TULP4: variants seen among roughly 807,000 people sequenced by gnomAD.
TULP4 encodes the protein tubby-related protein 4.
In TULP4, 16 loss-of-function variants were observed where a neutral mutation model predicts 129.0. The observed-to-expected ratio is 0.12, with a 90% confidence interval of 0.08 to 0.19. TULP4 has a LOEUF of 0.19. Among genes scored for constraint, TULP4 ranks in the 10% least tolerant of loss-of-function variants. The pLI, the probability that TULP4 is intolerant of heterozygous loss-of-function variation, is 1.00. For missense variants in TULP4, 1,842 were observed against 2,059.1 expected, an observed-to-expected ratio of 0.89 and a Z score of 2.04; for synonymous variants, 998 against 854.0, an observed-to-expected ratio of 1.17 and a Z score of -2.94.
chr6:158,337,851 G>GA (rs1214158684), intron 1 of TULP4, among the ~76,000 whole-genome samples: 2 of 151,990 alleles, frequency 1.3e-5, no homozygotes, highest in Admixed American at 1.3e-4. Context: ...CTAAAAGTAG[G>GA]AAACAGAAGA....
chr6:158,314,090 G>T lies in TULP4; in HGVS notation c.74G>T (p.Arg25Leu). 1.2e-6 allele frequency: 2 copies of T among 1,614,216 alleles called. No homozygotes were observed. The highest frequency in any genetic ancestry group is 1.7e-6 in the Non-Finnish European group (2 of 1,180,040). Residue 25 changes from arginine (R) to leucine (L), a missense_variant, in exon 1 of 14, where the codon CGT becomes CTT. Coordinates refer to ENST00000367097, the MANE Select transcript of TULP4 (RefSeq NM_020245.5). ...ATCCTGTGCCTGTCCTGGAAGGGGC[G>T]TGTCCCCAAGAGTGAGAAGGAGAAG... Reference protein sequence around the residue: ...SNILCLSWKGRVPKSEKEKPV... With the variant: ...SNILCLSWKGLVPKSEKEKPV...
At position 158,493,383 on chromosome 6, in the gene TULP4, G is replaced by A. The variant is rs966309941; in HGVS notation, c.1632-190G>A. ...TAAAATGTATATTATTCAATGTAAA[G>A]TTGTCATTCTTTCCTCATATTCATA... On this transcript the variant is annotated intron_variant, in intron 9 of 13. Transcript: ENST00000367097. The surrounding 1 kb of genome is among the most constrained non-coding windows in gnomAD (Gnocchi z 4.4). Among the ~76,000 whole-genome samples, 1 of 152,210 alleles carries A rather than the reference G, an allele frequency of 6.6e-6. No homozygotes were observed. Among genetic ancestry groups the A allele is most frequent in the African/African-American group, 2.4e-5 (1 of 41,450 alleles).
chr6:158,409,073 T>A (rs1158315119), intron 1 of TULP4, among the ~76,000 whole-genome samples: 1 of 152,148 alleles, frequency 6.6e-6, no homozygotes, highest in Non-Finnish European at 1.5e-5. Flanking sequence ...TTTGGAGGGC[T>A]CCTGACTCAG....
chr6:158,459,640 CA>C (rs1233121362), intron 5 of TULP4, among the ~76,000 whole-genome samples: 3 of 151,832 alleles, frequency 2.0e-5, no homozygotes, highest in African/African-American at 7.3e-5. Context: ...CAATACAATT[CA>C]AAAAAATATT....
At chr6:158,319,711 A>G (rs1393415163) in intron 1 of TULP4, among the ~76,000 whole-genome samples, 1 of 152,258 alleles carries the variant, frequency 6.6e-6, no homozygotes, top group African/African-American at 2.4e-5. Context: ...AAATGTATTC[A>G]GTTAGATAAA....
At chr6:158,306,790 G>A (rs141766519) in intron 1 of TULP4, among the ~76,000 whole-genome samples, 1,819 of 152,278 alleles carry the variant, frequency 0.012, 41 homozygotes, top group African/African-American at 0.04. Flanking sequence ...AGGCTGAGCA[G>A]GGGTGGATCA....
intron 3 of TULP4, among the ~76,000 whole-genome samples, chr6:158,440,018 T>C (rs1778850232): frequency 6.6e-6 from 1 of 151,430 alleles, no homozygotes; most frequent in Non-Finnish European, 1.5e-5. Context: ...GCCTAGAGTG[T>C]TTCTTTTTTA....
At chr6:158,273,491 TGACTCC>T (rs1414762209) in intron 1 of TULP4, among the ~76,000 whole-genome samples, 1 of 152,204 alleles carries the variant, frequency 6.6e-6, no homozygotes. Context: ...GTCTATACTT[TGACTCC>T]GAGGTTCAGA....
intron 1 of TULP4, among the ~76,000 whole-genome samples, chr6:158,374,780 C>T (rs917983986): frequency 2.0e-5 from 3 of 152,214 alleles, no homozygotes; most frequent in East Asian, 3.8e-4. Flanking sequence ...TGAATTTACT[C>T]ATGAATGGTA....
At chr6:158,492,897 A>G (rs1312792432) in intron 9 of TULP4, among the ~76,000 whole-genome samples, 1 of 152,252 alleles carries the variant, frequency 6.6e-6, no homozygotes, top group Non-Finnish European at 1.5e-5. Context: ...GAGATACAAC[A>G]TGGGATCAAA....
At chr6:158,355,716 G>A (rs1363955376) in intron 1 of TULP4, among the ~76,000 whole-genome samples, 1 of 152,192 alleles carries the variant, frequency 6.6e-6, no homozygotes, top group Non-Finnish European at 1.5e-5. Context: ...CAGGTTTGGT[G>A]TAGGTGGCAA....
At chr6:158,294,725 TTTC>T (rs760586202) in intron 1 of TULP4, among the ~76,000 whole-genome samples, 125 of 152,194 alleles carry the variant, frequency 8.2e-4, no homozygotes, top group African/African-American at 2.4e-3. Context: ...TTTTTTCTTC[TTTC>T]TTCTTCTTCT....
intron 9 of TULP4, among the ~76,000 whole-genome samples, chr6:158,491,097 C>T (rs1385480074): frequency 6.6e-6 from 1 of 152,132 alleles, no homozygotes; most frequent in Non-Finnish European, 1.5e-5. Context: ...TAGAAACTGC[C>T]GAGCAGTATT....
chr6:158,262,127 G>C (rs1405167034), intron 1 of TULP4, among the ~76,000 whole-genome samples: 3 of 152,208 alleles, frequency 2.0e-5, no homozygotes, highest in Non-Finnish European at 2.9e-5. Flanking sequence ...CTGCCTTGGT[G>C]TGGAAAGGGT....
rs1210555976 is a variant in TULP4, at chr6:158,331,729, A to G, written c.252+17461A>G. Among the ~76,000 whole-genome samples, 4 of 23,560 alleles carry G rather than the reference A, an allele frequency of 1.7e-4. 1 individual carries two copies. The highest frequency in any genetic ancestry group is 3.6e-4 in the African/African-American group (4 of 11,074). The allele number at this position is 23,560 out of a possible 152,430, so 15.5% of individuals were successfully genotyped here. ...CACACACACACACACACACACACAC[A>G]TACGTATATATATACGTGTATATAC... On this transcript the variant is annotated intron_variant, in intron 1 of 13. Transcript: ENST00000367097.
upstream of TULP4, among the ~76,000 whole-genome samples, chr6:158,308,577 G>A (rs1294361219): frequency 1.3e-5 from 2 of 151,890 alleles, no homozygotes; most frequent in Non-Finnish European, 2.9e-5. Flanking sequence ...AGTAGGGGTG[G>A]CCGGGCAGAG....
chr6:158,363,112 A>C (rs1287424144), intron 1 of TULP4, among the ~76,000 whole-genome samples: 1 of 148,846 alleles, frequency 6.7e-6, no homozygotes, highest in Non-Finnish European at 1.5e-5. Context: ...AGGGCCAGGG[A>C]GTATTGTCCA....
intron 1 of TULP4, among the ~76,000 whole-genome samples, chr6:158,401,059 G>A (rs929194009): frequency 1.4e-5 from 2 of 146,778 alleles, no homozygotes; most frequent in African/African-American, 5.3e-5. Context: ...TTTTGTTGTT[G>A]TTGTTGTTGT....
At chr6:158,297,560 A>G (rs1364592190) in intron 1 of TULP4, among the ~76,000 whole-genome samples, 1 of 152,214 alleles carries the variant, frequency 6.6e-6, no homozygotes, top group Non-Finnish European at 1.5e-5. Context: ...TTCACAGTTT[A>G]TGTTCAGAGA....
Sources: allele counts gnomAD v4.1 joint callset (sites outside exome capture counted in the v4.1 genomes callset), GRCh38; gene constraint gnomAD v4.1.1; non-coding constraint Gnocchi (gnomAD v3.1); transcripts MANE v1.5; gene names NCBI Gene and HGNC (gene_info 2026-07-23, HGNC 2026-07-21).